GALNT18: variants seen among roughly 807,000 people sequenced by gnomAD.
GALNT18 encodes the protein polypeptide N-acetylgalactosaminyltransferase 18, also known as GalNAc-transferase 18.
In GALNT18, 44 loss-of-function variants were observed where a neutral mutation model predicts 69.5. That is an observed-to-expected ratio of 0.63 (90% confidence interval 0.50 to 0.81). The LOEUF (loss-of-function observed/expected upper bound fraction) is 0.81. Ranked by LOEUF, GALNT18 falls within the 40% of genes least tolerant of loss-of-function variation. The pLI, the probability that GALNT18 is intolerant of heterozygous loss-of-function variation, is 0.00. For missense variants in GALNT18, 715 were observed against 810.0 expected, an observed-to-expected ratio of 0.88 and a Z score of 1.42; for synonymous variants, 364 against 318.2, an observed-to-expected ratio of 1.14 and a Z score of -1.53.
intron 1 of GALNT18, among the ~76,000 whole-genome samples, chr11:11,521,025 C>T (rs562460192): frequency 5.1e-4 from 77 of 152,186 alleles, no homozygotes; most frequent in Middle Eastern, 3.4e-3. Flanking sequence ...TTGTTCCTGG[C>T]TACCTGGCTG....
At chr11:11,426,025 C>A (rs935860056) in intron 3 of GALNT18, among the ~76,000 whole-genome samples, 14 of 152,178 alleles carry the variant, frequency 9.2e-5, no homozygotes, top group Non-Finnish European at 1.9e-4. Context: ...GTGCTCCCAC[C>A]ATTTTCTTGA....
chr11:11,447,694 C>T (rs996830411), intron 2 of GALNT18, among the ~76,000 whole-genome samples: 6 of 152,176 alleles, frequency 3.9e-5, no homozygotes, highest in Non-Finnish European at 7.3e-5. Flanking sequence ...GGGAAAATGC[C>T]AGACGCTTAT....
intron 3 of GALNT18, among the ~76,000 whole-genome samples, chr11:11,414,096 A>G (rs1346837425): frequency 6.6e-6 from 1 of 151,612 alleles, no homozygotes; most frequent in Non-Finnish European, 1.5e-5. Flanking sequence ...GTCCAAATAG[A>G]TCTCGGATGT....
intron 3 of GALNT18, among the ~76,000 whole-genome samples, chr11:11,425,992 C>A (rs187846592): frequency 8.5e-5 from 13 of 152,316 alleles, no homozygotes; most frequent in African/African-American, 2.9e-4. Flanking sequence ...AGTCTGGTAA[C>A]TGAAACCAGC....
At chr11:11,548,177 G>T (rs2133965151) in intron 1 of GALNT18, among the ~76,000 whole-genome samples, 1 of 152,318 alleles carries the variant, frequency 6.6e-6, no homozygotes, top group East Asian at 1.9e-4. Flanking sequence ...AACAGCCAAT[G>T]GTTGCATGAA....
At chr11:11,568,696 G>A (rs147756690) in intron 1 of GALNT18, among the ~76,000 whole-genome samples, 2 of 152,240 alleles carry the variant, frequency 1.3e-5, no homozygotes, top group East Asian at 3.9e-4. Context: ...TTGGATTCAG[G>A]CTAAGTCACT....
At chr11:11,594,011 A>G (rs2133933352) in intron 1 of GALNT18, among the ~76,000 whole-genome samples, 1 of 152,322 alleles carries the variant, frequency 6.6e-6, no homozygotes, top group South Asian at 2.1e-4. Flanking sequence ...CTGCTTTGCT[A>G]GGCTACATAG....
At chr11:11,588,299 A>G (rs566168600) in intron 1 of GALNT18, among the ~76,000 whole-genome samples, 7 of 152,006 alleles carry the variant, frequency 4.6e-5, no homozygotes, top group Non-Finnish European at 7.4e-5. Context: ...GCAGAACTAC[A>G]TCTCCCCCTT....
At chr11:11,394,905 C>T (rs150288243) in intron 3 of GALNT18, among the ~76,000 whole-genome samples, 40 of 152,292 alleles carry the variant, frequency 2.6e-4, no homozygotes, top group South Asian at 8.3e-4. Context: ...ACCATGGAAA[C>T]GACTCATAGA....
rs560993238 is a variant in GALNT18 at position 11,606,598 on chromosome 11, C to A, written c.235+14761G>T. 1.3e-5 allele frequency among the ~76,000 whole-genome samples: 2 copies of A among 152,222 alleles called. No individual in the cohort carries two copies. Among genetic ancestry groups the A allele is most frequent in the African/African-American group, 2.4e-5 (1 of 41,506 alleles). On this transcript the variant is annotated intron_variant, in intron 1 of 10. Coordinates refer to ENST00000227756, the MANE Select transcript of GALNT18 (RefSeq NM_198516.3). This position sits in a 1 kb window ranked among gnomAD's most constrained non-coding sequence, Gnocchi z 5.4. ...GCAGCATCACTAGGAGCTGTTGGAC[C>A]CGAAGTCAGGCTCTGGTCAGCAGGC... is the stretch of plus-strand genomic sequence containing the variant.
chr11:11,441,755 G>A (rs1022850042), intron 2 of GALNT18, among the ~76,000 whole-genome samples: 5 of 152,174 alleles, frequency 3.3e-5, no homozygotes, highest in African/African-American at 1.2e-4. Context: ...AGCAGTCATG[G>A]CCTACCTGCT....
In GALNT18 at chr11:11,402,483, C is replaced by G. The variant is rs986475277; in HGVS notation, c.596-23219G>C. On this transcript the variant is annotated intron_variant, in intron 3 of 10. Coordinates refer to ENST00000227756, the MANE Select transcript of GALNT18 (RefSeq NM_198516.3). This position sits in a 1 kb window ranked among gnomAD's most constrained non-coding sequence, Gnocchi z 4.0. ...CATGCTGGGCAGAACTTTTCAGCAACAAAAAGCAAAATGATGAGCTTCTTT... is the reference window on the plus strand; with the variant it reads ...CATGCTGGGCAGAACTTTTCAGCAAGAAAAAGCAAAATGATGAGCTTCTTT... Among the ~76,000 whole-genome samples the G allele has an allele frequency of 1.3e-5, 2 of 152,202 alleles. No homozygotes were observed. The highest frequency in any genetic ancestry group is 1.5e-5 in the Non-Finnish European group (1 of 68,026).
At chr11:11,516,162 A>T (rs1857271371) in intron 1 of GALNT18, among the ~76,000 whole-genome samples, 1 of 152,224 alleles carries the variant, frequency 6.6e-6, no homozygotes, top group South Asian at 2.1e-4. Context: ...CCCAGCTGGA[A>T]GGGAAGGATG....
In GALNT18 at chr11:11,538,207, A is replaced by G. The variant is rs73407874; in HGVS notation, c.235+83152T>C. ...GCAGCAGAGACAGAATTCAAACCCA[A>G]TCTGACACCTTGACCTTTCTGGTTC... On this transcript the variant is annotated intron_variant, in intron 1 of 10. Coordinates refer to ENST00000227756, the MANE Select transcript of GALNT18 (RefSeq NM_198516.3). The surrounding 1 kb of genome is among the most constrained non-coding windows in gnomAD (Gnocchi z 5.2). 0.078 allele frequency among the ~76,000 whole-genome samples: 11,847 copies of G among 152,166 alleles called. 1,495 individuals are homozygous for G. Among genetic ancestry groups the G allele is most frequent in the African/African-American group, 0.27 (11,155 of 41,474 alleles).
intron 1 of GALNT18, among the ~76,000 whole-genome samples, chr11:11,474,392 G>C (rs1371896119): frequency 6.6e-6 from 1 of 152,210 alleles, no homozygotes. Context: ...TATAAGGCTG[G>C]GGAAAGATCG....
chr11:11,350,051 T>G (rs1222209468), intron 6 of GALNT18, among the ~76,000 whole-genome samples: 1 of 152,170 alleles, frequency 6.6e-6, no homozygotes, highest in African/African-American at 2.4e-5. Flanking sequence ...CTCATAACTA[T>G]CAGAGGCAGC....
intron 1 of GALNT18, among the ~76,000 whole-genome samples, chr11:11,593,368 A>T (rs1365073031): frequency 6.6e-6 from 1 of 152,126 alleles, no homozygotes; most frequent in East Asian, 1.9e-4. Context: ...TCAGCTCATG[A>T]GTCTAAAAAA....
chr11:11,433,499 CTG>C (rs1229155261), intron 2 of GALNT18, among the ~76,000 whole-genome samples: 5 of 152,336 alleles, frequency 3.3e-5, no homozygotes, highest in African/African-American at 1.2e-4. Flanking sequence ...CCTCTGACAC[CTG>C]CACCAGGATC....
chr11:11,367,439 AAGTGGGTGTCTTTCCAAC>A (rs1289805954), intron 6 of GALNT18, among the ~76,000 whole-genome samples: 1 of 152,226 alleles, frequency 6.6e-6, no homozygotes, highest in Non-Finnish European at 1.5e-5. Flanking sequence ...AGATATGTTC[AAGTGGGTGTCTTTCCAAC>A]AGCAAGGCCT....
Sources: allele counts gnomAD v4.1 joint callset (sites outside exome capture counted in the v4.1 genomes callset), GRCh38; gene constraint gnomAD v4.1.1; non-coding constraint Gnocchi (gnomAD v3.1); transcripts MANE v1.5; gene names NCBI Gene and HGNC (gene_info 2026-07-23, HGNC 2026-07-21).